SYN2: variants seen among roughly 807,000 people sequenced by gnomAD.
SYN2 encodes synapsin II, also known as synapsin-2.
Under a neutral mutation model 50.9 loss-of-function variants are expected in SYN2, and 19 were observed. That is an observed-to-expected ratio of 0.37 (90% CI 0.26 to 0.55). SYN2 has a LOEUF of 0.55. Among genes scored for constraint, SYN2 ranks in the 20% least tolerant of loss-of-function variants. The pLI is 0.81. For synonymous variants in SYN2, 255 were observed against 224.9 expected, an observed-to-expected ratio of 1.13 and a Z score of -1.20; for missense variants, 587 against 576.4, an observed-to-expected ratio of 1.02 and a Z score of -0.19.
intron 1 of SYN2, among the ~76,000 whole-genome samples, chr3:12,043,873 T>G (rs1324204485): frequency 6.6e-6 from 1 of 152,184 alleles, no homozygotes; most frequent in Non-Finnish European, 1.5e-5. Flanking sequence ...TAATATTTTA[T>G]CTGTTTCTCT....
chr3:12,021,790 C>T (rs1490828449), intron 1 of SYN2, among the ~76,000 whole-genome samples: 3 of 151,884 alleles, frequency 2.0e-5, no homozygotes, highest in South Asian at 2.1e-4. Flanking sequence ...CTTGGCTGGG[C>T]GCGGTGGCTC....
chr3:12,021,876 C>G (rs1694145157), intron 1 of SYN2, among the ~76,000 whole-genome samples: 1 of 151,946 alleles, frequency 6.6e-6, no homozygotes, highest in Non-Finnish European at 1.5e-5. Context: ...ACCAGCCTGG[C>G]CAGCGTAACG....
chr3:12,126,839 C>T (rs1574954582), intron 1 of SYN2, among the ~76,000 whole-genome samples: 1 of 152,272 alleles, frequency 6.6e-6, no homozygotes, highest in East Asian at 1.9e-4. Flanking sequence ...AATTTCATTG[C>T]AGTTATAATT....
intron 12 of SYN2, among the ~76,000 whole-genome samples, chr3:12,188,311 G>A (rs771726374): frequency 2.0e-5 from 3 of 152,342 alleles, no homozygotes; most frequent in Non-Finnish European, 4.4e-5. Context: ...AGCTGTCTTT[G>A]GGAGGGACAG....
At position 12,099,003 on chromosome 3, in the gene SYN2, A is replaced by G. The variant is rs139748145; in HGVS notation, c.378-41648A>G. Among the ~76,000 whole-genome samples, 788 of 152,094 alleles carry G rather than the reference A, an allele frequency of 5.2e-3. 4 individuals are homozygous for G. Among genetic ancestry groups the G allele is most frequent in the Non-Finnish European group, 8.5e-3 (577 of 67,952 alleles). On this transcript the variant is annotated intron_variant, in intron 1 of 12. Coordinates refer to ENST00000621198, the MANE Select transcript of SYN2 (RefSeq NM_133625.6). ...TGATATATTGATAAAAGATCACTCT[A>G]TCAAGAAGATGTAACAATTATGATC... is the stretch of plus-strand genomic sequence containing the variant.
At chr3:12,008,322 C>G (rs1254682356) in intron 1 of SYN2, among the ~76,000 whole-genome samples, 1 of 152,158 alleles carries the variant, frequency 6.6e-6, no homozygotes, top group Admixed American at 6.5e-5. Flanking sequence ...TTATGAAGCA[C>G]CTTCTCTGTA....
At chr3:12,058,043 A>C (rs1471050712) in intron 1 of SYN2, among the ~76,000 whole-genome samples, 1 of 152,168 alleles carries the variant, frequency 6.6e-6, no homozygotes. Flanking sequence ...ACAAATGCAC[A>C]TACCTAGAAT....
chr3:12,089,080 A>G (rs149229129), intron 1 of SYN2, among the ~76,000 whole-genome samples: 6 of 152,372 alleles, frequency 3.9e-5, no homozygotes, highest in Non-Finnish European at 7.3e-5. Flanking sequence ...GCTTGATTTA[A>G]TCTTTCTGCA....
chr3:12,049,534 AT>A (rs1402675395), intron 1 of SYN2, among the ~76,000 whole-genome samples: 1 of 151,638 alleles, frequency 6.6e-6, no homozygotes, highest in Non-Finnish European at 1.5e-5. Context: ...AAAAAAAATA[AT>A]AAAAAATAAA....
At position 12,004,532 on chromosome 3, in the gene SYN2, C is replaced by G; in HGVS notation, c.-20C>G. The G allele has an allele frequency of 1.6e-6, 1 of 608,876 alleles. No homozygotes were observed. The highest frequency in any genetic ancestry group is 1.8e-5 in the South Asian group (1 of 55,852). The allele number at this position is 608,876 out of a possible 1,614,324, so 37.7% of individuals were successfully genotyped here. Reference sequence around the variant, plus strand: ...CCACCAGACCCCGTAGCCCCGCGCGCCCCCAGCCCTTTAAGCCAGATGATG... The same window carrying G: ...CCACCAGACCCCGTAGCCCCGCGCGGCCCCAGCCCTTTAAGCCAGATGATG... On this transcript the variant is annotated 5_prime_UTR_variant, in exon 1 of 13. Transcript: ENST00000621198.
At chr3:12,161,059 A>G (rs1697634756) in intron 5 of SYN2, among the ~76,000 whole-genome samples, 1 of 152,180 alleles carries the variant, frequency 6.6e-6, no homozygotes, top group South Asian at 2.1e-4. Flanking sequence ...AGAGGGAGAA[A>G]ACAACCAGGA....
chr3:12,020,497 A>C (rs950898672), intron 1 of SYN2, among the ~76,000 whole-genome samples: 1 of 151,912 alleles, frequency 6.6e-6, no homozygotes, highest in East Asian at 1.9e-4. Context: ...ATACCCCCTG[A>C]AAGTTTTGGG....
At chr3:12,086,589 C>T (rs779544856) in intron 1 of SYN2, among the ~76,000 whole-genome samples, 2 of 152,070 alleles carry the variant, frequency 1.3e-5, no homozygotes, top group African/African-American at 2.4e-5. Context: ...TGTGATACAG[C>T]ATATTAACAA....
chr3:12,157,607 G>A (rs1697496619), intron 5 of SYN2: 1 of 808,620 alleles, frequency 1.2e-6, no homozygotes, highest in African/African-American at 1.7e-5. Flanking sequence ...TGGCTGGGTT[G>A]TGAGCAACGT....
intron 1 of SYN2, among the ~76,000 whole-genome samples, chr3:12,050,084 A>G (rs1574909968): frequency 6.6e-6 from 1 of 151,728 alleles, no homozygotes. Flanking sequence ...TATTTTTAGT[A>G]AAGACAGGGT....
chr3:12,052,982 A>T (rs1694901163), intron 1 of SYN2, among the ~76,000 whole-genome samples: 1 of 152,248 alleles, frequency 6.6e-6, no homozygotes, highest in Middle Eastern at 3.4e-3. Flanking sequence ...ATTTCCATAC[A>T]TGTTGTTTCA....
At chr3:12,119,660 T>C (rs551407896) in intron 1 of SYN2, among the ~76,000 whole-genome samples, 38 of 152,350 alleles carry the variant, frequency 2.5e-4, no homozygotes, top group Middle Eastern at 3.4e-3. Context: ...CATAATTCTT[T>C]CCAGAAACCC....
intron 1 of SYN2, among the ~76,000 whole-genome samples, chr3:12,024,800 C>A (rs1439511685): frequency 6.6e-6 from 1 of 151,978 alleles, no homozygotes; most frequent in Non-Finnish European, 1.5e-5. Context: ...GGGTGTGTAC[C>A]CAGGAGTGGC....
chr3:12,162,106 A>G lies in SYN2; in HGVS notation c.932A>G (p.Lys311Arg), dbSNP rs746725925. The G allele has an allele frequency of 1.5e-5, 25 of 1,614,144 alleles. No individual in the cohort carries two copies. Among genetic ancestry groups the G allele is most frequent in the Non-Finnish European group, 1.9e-5 (23 of 1,180,018 alleles). Reference sequence around the variant, plus strand: ...ACTGCAGAGCCTTTCATTGACTCCAAGTATGACATCCGGGTCCAGAAGATT... The same window carrying G: ...ACTGCAGAGCCTTTCATTGACTCCAGGTATGACATCCGGGTCCAGAAGATT... ...YATAEPFIDS[K>R]YDIRVQKIGN... Residue 311 changes from lysine to arginine, a missense_variant, in exon 7 of 13, where the codon AAG (lysine) becomes AGG (arginine). Coordinates refer to ENST00000621198, the MANE Select transcript of SYN2 (RefSeq NM_133625.6).
Sources: gnomAD v4.1 joint callset for allele counts (sites outside exome capture counted in the v4.1 genomes callset) on GRCh38, gnomAD v4.1.1 for gene constraint, MANE v1.5 for transcripts, NCBI Gene and HGNC (gene_info 2026-07-23, HGNC 2026-07-21) for gene names.